The following HYDIN variants were observed in gnomAD, a reference collection of about 807,000 sequenced individuals.
The protein encoded by HYDIN is axonemal central pair apparatus protein HYDIN.
Under a neutral mutation model 403.9 loss-of-function variants are expected in HYDIN, and 132 were observed. The observed-to-expected ratio is 0.33, with a 90% CI of 0.28 to 0.38. The LOEUF (loss-of-function observed/expected upper bound fraction) is 0.38, where lower values mean the gene tolerates loss of function less well. Among genes scored for constraint, HYDIN ranks in the 10% least tolerant of loss-of-function variants. The pLI is 1.00. For missense variants in HYDIN, 2,827 were observed against 5,009.5 expected (o/e 0.56, Z 13.15); for synonymous variants, 1,202 against 1,891.7 (o/e 0.64, Z 9.46).
intron 10 of HYDIN, among the ~76,000 whole-genome samples, chr16:71,110,325 CTAAA>C (rs1426906357): frequency 1.5e-5 from 2 of 132,704 alleles, no homozygotes; most frequent in African/African-American, 5.7e-5. Context: ...AAATTTATAT[CTAAA>C]TAAGTTATAT....
intron 59 of HYDIN, 111 bp from the exon 60 acceptor site, chr16:70,883,006 T>A: frequency 1.2e-6 from 1 of 854,816 alleles, no homozygotes; most frequent in Non-Finnish European, 2.0e-6. Context: ...GGAGGACACA[T>A]AGGCGAAGTC....
At chr16:70,980,082 G>C (rs905923321) in intron 29 of HYDIN, among the ~76,000 whole-genome samples, 166 of 150,704 alleles carry the variant, frequency 1.1e-3, no homozygotes, top group Non-Finnish European at 3.7e-4. Context: ...GCCCTGATGA[G>C]GCCAGCTGGG....
chr16:71,197,413 A>G (rs2087752940), intron 1 of HYDIN, among the ~76,000 whole-genome samples: 1 of 152,212 alleles, frequency 6.6e-6, no homozygotes. Context: ...ATCTGCCAAC[A>G]TTCAGGCTTG....
At chr16:70,958,262 A>C (rs530307424) in intron 39 of HYDIN, among the ~76,000 whole-genome samples, 19 of 151,408 alleles carry the variant, frequency 1.3e-4, no homozygotes, top group African/African-American at 4.3e-4. Flanking sequence ...ACTTATATTG[A>C]TCAGTCTGAT....
chr16:71,026,943 GA>G, intron 20 of HYDIN, among the ~76,000 whole-genome samples: 1 of 152,086 alleles, frequency 6.6e-6, no homozygotes, highest in Admixed American at 6.5e-5. Context: ...ATTTTGTCGG[GA>G]GGGAGAGACT....
chr16:71,188,032 A>C (rs2087239633), intron 1 of HYDIN, among the ~76,000 whole-genome samples: 1 of 152,142 alleles, frequency 6.6e-6, no homozygotes, highest in African/African-American at 2.4e-5. Flanking sequence ...TTCAAACAAC[A>C]CAAGGCCCAG....
At chr16:71,149,613 G>A (rs1269012441) in intron 7 of HYDIN, among the ~76,000 whole-genome samples, 80 of 152,010 alleles carry the variant, frequency 5.3e-4, no homozygotes, top group South Asian at 6.2e-4. Flanking sequence ...TATAACCTCC[G>A]CCTCCCGGGT....
In HYDIN at chr16:70,837,805, A is replaced by C; in HGVS notation, c.13127T>G (p.Ile4376Ser). Residue 4376 changes from isoleucine to serine, a missense_variant, in exon 77 of 86, where the codon ATT becomes AGT. By Grantham distance (142) the Ile-to-Ser change is moderately radical. Transcript: ENST00000393567. ...TTCTCGAGGATAAAAAGTTATTGGA[A>C]TCTCCAATGTGTTTCCTGGCTTTAC... is the stretch of plus-strand genomic sequence containing the variant. Reference protein sequence around the residue: ...DVVKPGNTLEIPITFYPRESI... With the variant: ...DVVKPGNTLESPITFYPRESI... The C allele has an allele frequency of 6.2e-7, 1 of 1,613,906 alleles. No homozygotes were observed. Among genetic ancestry groups the C allele is most frequent in the Non-Finnish European group, 8.5e-7 (1 of 1,179,848 alleles).
chr16:71,033,918 T>C (rs976353732), intron 18 of HYDIN, among the ~76,000 whole-genome samples: 2 of 152,072 alleles, frequency 1.3e-5, no homozygotes, highest in African/African-American at 4.8e-5. Context: ...TATTTAGTTA[T>C]TACCAATATG....
chr16:70,995,671 T>C (rs1033065814), intron 23 of HYDIN, among the ~76,000 whole-genome samples: 1 of 152,056 alleles, frequency 6.6e-6, no homozygotes, highest in African/African-American at 2.4e-5. Context: ...TCTTTGCAGA[T>C]GGGATGGTGG....
At chr16:70,930,353 C>T (rs540581870) in intron 45 of HYDIN, among the ~76,000 whole-genome samples, 6 of 152,298 alleles carry the variant, frequency 3.9e-5, no homozygotes, top group Middle Eastern at 3.4e-3. Context: ...TGGTGGCACA[C>T]GTCTGCAGTC....
intron 1 of HYDIN, among the ~76,000 whole-genome samples, chr16:71,215,163 C>T (rs1356918704): frequency 3.6e-4 from 55 of 151,724 alleles, no homozygotes; most frequent in Non-Finnish European, 2.9e-5. Flanking sequence ...TAATTAGTCA[C>T]CTTTAGAGGT....
intron 23 of HYDIN, among the ~76,000 whole-genome samples, chr16:71,016,400 A>G (rs1310860433): frequency 6.6e-6 from 1 of 152,220 alleles, no homozygotes; most frequent in African/African-American, 2.4e-5. Flanking sequence ...GGGAAATTCA[A>G]TAAAAACCCC....
chr16:70,812,529 G>T (rs573779534), intron 84 of HYDIN, among the ~76,000 whole-genome samples: 1 of 151,648 alleles, frequency 6.6e-6, no homozygotes, highest in South Asian at 2.1e-4. Context: ...AAAGATGATG[G>T]GGTACAAAAT....
intron 14 of HYDIN, 22 bp downstream of exon 14, chr16:71,069,245 G>A (rs1398390): frequency 0.36 from 550,391 of 1,530,776 alleles, 113,063 homozygotes; most frequent in East Asian, 0.7. Flanking sequence ...AGCTGTGTGT[G>A]CAGGAAGGCC....
rs1225569378 is a variant in HYDIN at position 70,883,912 on chromosome 16, G to T, written c.9979+8C>A. On this transcript the variant is annotated splice_region_variant and intron_variant, in intron 59 of 85. Coordinates refer to ENST00000393567, the MANE Select transcript of HYDIN (RefSeq NM_001270974.2). ...TAAGTGGTGCTGTCCAATGTGAGTG[G>T]TCAGTACCTGGTAGACAGGCTTCAG... 1 of 1,612,998 alleles carries T rather than the reference G, an allele frequency of 6.2e-7. No homozygotes were observed. Among genetic ancestry groups the T allele is most frequent in the South Asian group, 1.1e-5 (1 of 91,056 alleles).
At chr16:71,024,959 AATGT>A (rs1395363203) in intron 21 of HYDIN, among the ~76,000 whole-genome samples, 5 of 152,202 alleles carry the variant, frequency 3.3e-5, no homozygotes, top group Non-Finnish European at 7.3e-5. Context: ...CTACTGGGTA[AATGT>A]ATGTAATGAA....
intron 53 of HYDIN, among the ~76,000 whole-genome samples, chr16:70,896,447 G>A (rs911318322): frequency 6.6e-6 from 1 of 152,112 alleles, no homozygotes; most frequent in Non-Finnish European, 1.5e-5. Context: ...CAACCTCCCG[G>A]GCTCAAGCCA....
intron 70 of HYDIN, among the ~76,000 whole-genome samples, 173 bp from the exon 71 acceptor site, chr16:70,860,379 G>T (rs1443639099): frequency 6.9e-6 from 1 of 144,108 alleles, no homozygotes; most frequent in Non-Finnish European, 1.5e-5. Context: ...TCCACAGTCA[G>T]GGTAGGGTTC....
Sources: gnomAD v4.1 joint callset for allele counts (sites outside exome capture counted in the v4.1 genomes callset) on GRCh38, gnomAD v4.1.1 for gene constraint, MANE v1.5 for transcripts, NCBI Gene and HGNC (gene_info 2026-07-23, HGNC 2026-07-21) for gene names.